GPBP1: variants seen among roughly 807,000 people sequenced by gnomAD.
GPBP1 encodes the protein GC-rich promoter binding protein 1, also known as vasculin.
GPBP1 carries 13 observed loss-of-function variants against 56.5 expected under a neutral mutation model. That is an observed-to-expected ratio of 0.23 (90% CI 0.15 to 0.37). The LOEUF (loss-of-function observed/expected upper bound fraction) is 0.37. Among genes scored for constraint, GPBP1 ranks in the 10% least tolerant of loss-of-function variants. The pLI, the probability that GPBP1 is intolerant of heterozygous loss-of-function variation, is 1.00. For synonymous variants in GPBP1, 204 were observed against 188.9 expected, an observed-to-expected ratio of 1.08 and a Z score of -0.66; for missense variants, 477 against 572.3, an observed-to-expected ratio of 0.83 and a Z score of 1.70.
intron 2 of GPBP1, among the ~76,000 whole-genome samples, chr5:57,194,196 C>CT (rs1561329025): frequency 6.6e-6 from 1 of 151,908 alleles, no homozygotes; most frequent in African/African-American, 2.4e-5. Context: ...GTTTTTGTTT[C>CT]TTTTTTGCTA....
intron 2 of GPBP1, among the ~76,000 whole-genome samples, chr5:57,209,220 A>G (rs1023112749): frequency 6.6e-6 from 1 of 151,600 alleles, no homozygotes; most frequent in African/African-American, 2.4e-5. Flanking sequence ...TTTTTTCTGG[A>G]CTCTTTAGAA....
chr5:57,214,369 T>C (rs938133850), intron 3 of GPBP1, among the ~76,000 whole-genome samples, 176 bp downstream of exon 3: 3 of 152,156 alleles, frequency 2.0e-5, no homozygotes, highest in African/African-American at 7.2e-5. Context: ...GTGGATCACC[T>C]GAGGTCAGGA....
intron 3 of GPBP1, among the ~76,000 whole-genome samples, chr5:57,219,806 A>G (rs530348147): frequency 1.4e-4 from 21 of 152,204 alleles, no homozygotes; most frequent in African/African-American, 5.1e-4. Flanking sequence ...TAATCCCAGC[A>G]CTTTGGGAGG....
chr5:57,231,122 A>G lies in GPBP1; in HGVS notation c.212A>G (p.Asn71Ser). ...NGGNFGRKEKNGWRTHGRNGT... is the reference protein window; with the variant it reads ...NGGNFGRKEKSGWRTHGRNGT... ...GGTAACTTTGGAAGGAAAGAAAAAA[A>G]TGGATGGCGTACACATGGAAGAAAT... Residue 71 changes from asparagine to serine, a missense_variant, in exon 5 of 12, where the codon AAT (asparagine) becomes AGT (serine). This residue lies in a region of GPBP1 where 414 missense variants were observed against 458.2 expected (regional missense o/e 0.90). Coordinates refer to ENST00000506184, the MANE Select transcript of GPBP1 (RefSeq NM_022913.4). 6.2e-7 allele frequency: 1 copy of G among 1,613,200 alleles called. No homozygotes were observed.
chr5:57,237,669 C>T (rs2111883939), intron 6 of GPBP1, among the ~76,000 whole-genome samples: 1 of 152,274 alleles, frequency 6.6e-6, no homozygotes, highest in East Asian at 1.9e-4. Flanking sequence ...TCACACTTTA[C>T]TATTCCTCTC....
chr5:57,258,068 CCA>C (rs1358564625), intron 10 of GPBP1, among the ~76,000 whole-genome samples: 2 of 152,104 alleles, frequency 1.3e-5, no homozygotes, highest in African/African-American at 4.8e-5. Context: ...GAATTTGTGA[CCA>C]TGGCACAAAC....
chr5:57,183,211 C>T (rs372433593), intron 2 of GPBP1, among the ~76,000 whole-genome samples: 1 of 151,804 alleles, frequency 6.6e-6, no homozygotes, highest in Admixed American at 6.6e-5. Context: ...AATAAAAATA[C>T]AAAAAATTAG....
chr5:57,200,854 AT>A (rs1754989257), intron 2 of GPBP1, among the ~76,000 whole-genome samples: 1 of 151,966 alleles, frequency 6.6e-6, no homozygotes, highest in Non-Finnish European at 1.5e-5. Context: ...GCTAGTTTAT[AT>A]TTTTAGTAGA....
At chr5:57,239,380 A>G (rs1179282267) in intron 6 of GPBP1, among the ~76,000 whole-genome samples, 1 of 152,248 alleles carries the variant, frequency 6.6e-6, no homozygotes, top group Non-Finnish European at 1.5e-5. Context: ...TAAAGGGGGA[A>G]AGTACCATAT....
chr5:57,219,398 A>C lies in GPBP1; in HGVS notation c.63+5205A>C, dbSNP rs1341187569. ...CTCAAAAAAAAAAAAAAAAAAAAAA[A>C]AAAAACCAAAAACAAACAAACAAAA... On this transcript the variant is annotated intron_variant, in intron 3 of 11. Coordinates refer to ENST00000506184, the MANE Select transcript of GPBP1 (RefSeq NM_022913.4). Among the ~76,000 whole-genome samples, 330 of 69,772 alleles carry C rather than the reference A, an allele frequency of 4.7e-3. 38 individuals are homozygous for C. Among genetic ancestry groups the C allele is most frequent in the African/African-American group, 0.035 (302 of 8,726 alleles). 45.8% of individuals were successfully genotyped at this position (69,772 alleles called of 152,430 possible). A position where few individuals can be genotyped will look rare whatever the true frequency, so the allele number is the denominator to read the frequency against.
chr5:57,225,817 T>C (rs973412657), intron 3 of GPBP1, among the ~76,000 whole-genome samples: 7 of 152,144 alleles, frequency 4.6e-5, no homozygotes, highest in East Asian at 1.9e-4. Flanking sequence ...CTTGGAAAAA[T>C]TGATGTGGAC....
intron 2 of GPBP1, among the ~76,000 whole-genome samples, chr5:57,211,955 G>T (rs1216758897): frequency 1.4e-5 from 2 of 148,126 alleles, no homozygotes; most frequent in African/African-American, 5.0e-5. Context: ...TTTTTTTTTT[G>T]AGACAGAGTC....
At chr5:57,249,192 A>C in intron 8 of GPBP1, 1 of 430,192 alleles carries the variant, frequency 2.3e-6, no homozygotes, top group East Asian at 3.7e-5. Flanking sequence ...AGTTCTGAGT[A>C]TTATCAGACC....
At chr5:57,256,411 C>T (rs1741665484) in intron 10 of GPBP1, among the ~76,000 whole-genome samples, 1 of 151,690 alleles carries the variant, frequency 6.6e-6, no homozygotes, top group Non-Finnish European at 1.5e-5. Context: ...TTTTTTGAGA[C>T]TTTATAGATT....
intron 8 of GPBP1, 38 bp downstream of exon 8, chr5:57,247,253 T>G (rs1005792700): frequency 1.1e-5 from 16 of 1,519,106 alleles, no homozygotes; most frequent in Middle Eastern, 1.8e-4. Context: ...AATGTAACAT[T>G]TTAATTATGA....
rs968013860 is a variant in GPBP1, at chr5:57,224,332, T to C, written c.64-6514T>C. 7.3e-5 allele frequency among the ~76,000 whole-genome samples: 11 copies of C among 151,582 alleles called. No individual in the cohort carries two copies. In the Middle Eastern group the frequency reaches 0.014, roughly 187 times the overall value. On this transcript the variant is annotated intron_variant, in intron 3 of 11. Coordinates refer to ENST00000506184, the MANE Select transcript of GPBP1 (RefSeq NM_022913.4). ...ATCTCAGCTCACTGCAGCCTTTGCC[T>C]CCCAGGTTCAAGCATTTCTCCTTTT... is the stretch of plus-strand genomic sequence containing the variant.
In GPBP1 at chr5:57,263,467, A is replaced by T. The variant is rs1283501288; in HGVS notation, c.*715A>T. 6.6e-6 allele frequency: 1 copy of T among 152,186 alleles called. No individual in the cohort carries two copies. Among genetic ancestry groups the T allele is most frequent in the Non-Finnish European group, 1.5e-5 (1 of 68,026 alleles). 9.4% of individuals were successfully genotyped at this position (152,186 alleles called of 1,614,324 possible). On this transcript the variant is annotated 3_prime_UTR_variant, in exon 12 of 12. Transcript: ENST00000506184. The stretch of plus-strand genomic sequence containing the variant: ...TATGTTGTCAGACCAGGGTTTTCAG[A>T]GTTGATGGAAAAGAGTCTTGTGAGA...
In GPBP1 at chr5:57,230,951, A is replaced by C; in HGVS notation, c.169A>C (p.Ile57Leu). 6.2e-7 allele frequency: 1 copy of C among 1,609,994 alleles called. No individual in the cohort carries two copies. The highest frequency in any genetic ancestry group is 8.5e-7 in the Non-Finnish European group (1 of 1,178,420). ...HNSSDGFDSA[I>L]GRPNGGNFGR... ...CTCTTCAGATGGCTTTGATTCTGCT[A>C]TTGGGCGTCCTAATGGAGGTAAAAT... Residue 57 changes from isoleucine (I) to leucine (L), a missense_variant, in exon 4 of 12, where the codon ATT becomes CTT. This residue lies in a region of GPBP1 where 414 missense variants were observed against 458.2 expected (regional missense o/e 0.90). Coordinates refer to ENST00000506184, the MANE Select transcript of GPBP1 (RefSeq NM_022913.4).
chr5:57,249,755 CCCCCTCCCCCTT>C (rs1210966032), intron 9 of GPBP1, among the ~76,000 whole-genome samples, 179 bp downstream of exon 9: 2 of 107,430 alleles, frequency 1.9e-5, no homozygotes, highest in Admixed American at 1.9e-4. Context: ...CTCCCCCCTT[CCCCCTCCCCCTT>C]CCCCTCTCCC....
Sources: gnomAD v4.1 joint callset for allele counts (sites outside exome capture counted in the v4.1 genomes callset) on GRCh38, gnomAD v4.1.1 for gene constraint, gnomAD v4.1.1 regional missense constraint, MANE v1.5 for transcripts, NCBI Gene and HGNC (gene_info 2026-07-23, HGNC 2026-07-21) for gene names.